The following DHDDS variants were observed in gnomAD, a reference collection of about 807,000 sequenced individuals.
The protein encoded by DHDDS is dehydrodolichyl diphosphate synthase complex subunit DHDDS.
In DHDDS, 16 loss-of-function variants were observed where a neutral mutation model predicts 46.2. The observed-to-expected ratio is 0.35, with a 90% confidence interval of 0.23 to 0.53. The LOEUF is 0.53. DHDDS is among the 20% of genes least tolerant of loss of function. The pLI, the probability that DHDDS is intolerant of heterozygous loss-of-function variation, is 0.94. For missense variants in DHDDS, 340 were observed against 423.7 expected (o/e 0.80, Z 1.73); for synonymous variants, 151 against 163.1 (o/e 0.93, Z 0.56).
chr1:26,455,144 C>G, intron 6 of DHDDS: 1 of 775,182 alleles, frequency 1.3e-6, no homozygotes. Context: ...TCTTGATTTG[C>G]ATGATATCAT....
chr1:26,454,475 T>A (rs191794129), intron 6 of DHDDS, among the ~76,000 whole-genome samples: 60 of 152,226 alleles, frequency 3.9e-4, no homozygotes, highest in African/African-American at 1.1e-3. Flanking sequence ...AAAATAATTT[T>A]TTATTATTAT....
At position 26,438,288 on chromosome 1, in the gene DHDDS, G is replaced by A. The variant is rs780641512; in HGVS notation, c.180+4G>A. On this transcript the variant is annotated splice_donor_region_variant and intron_variant, in intron 3 of 8. Transcript: ENST00000236342. ...GGGCTTCAACAAGCTAGCTGAGGTG[G>A]GTGTGTATGGCAGAGCCCAAAGTGA... 2 of 1,613,274 alleles carry A rather than the reference G, an allele frequency of 1.2e-6. No individual in the cohort carries two copies. The highest frequency in any genetic ancestry group is 1.1e-5 in the South Asian group (1 of 91,002).
rs778664841 is a variant in DHDDS at position 26,469,182 on chromosome 1, A to C, written c.*51A>C. On this transcript the variant is annotated 3_prime_UTR_variant, in exon 9 of 9. Transcript: ENST00000236342. ...CCCTGCCCTCTGCCTCCAGGGCTCCACTCCCCTTCCTTTTCTTGGTGAAAG... is the reference window on the plus strand; with the variant it reads ...CCCTGCCCTCTGCCTCCAGGGCTCCCCTCCCCTTCCTTTTCTTGGTGAAAG... The C allele has an allele frequency of 5.0e-6, 8 of 1,608,600 alleles. No homozygotes were observed. The Admixed American group carries it at 1.2e-4, about 23-fold the overall frequency.
chr1:26,436,705 G>A (rs1263082926), intron 2 of DHDDS, among the ~76,000 whole-genome samples: 14 of 151,908 alleles, frequency 9.2e-5, no homozygotes, highest in Non-Finnish European at 1.5e-5. Context: ...TTACAGGTAT[G>A]AGCCACTGTG....
chr1:26,434,577 G>A (rs909290068), intron 2 of DHDDS, among the ~76,000 whole-genome samples: 1 of 152,140 alleles, frequency 6.6e-6, no homozygotes, highest in Non-Finnish European at 1.5e-5. Context: ...CCCAGGTGAG[G>A]AAAAATAGGC....
At chr1:26,455,171 A>C in intron 6 of DHDDS, 1 of 762,832 alleles carries the variant, frequency 1.3e-6, no homozygotes, top group Non-Finnish European at 2.4e-6. Context: ...CTCCGGGTTA[A>C]GTGAATAGTG....
chr1:26,461,335 T>C (rs2075419603), intron 8 of DHDDS, among the ~76,000 whole-genome samples: 1 of 151,816 alleles, frequency 6.6e-6, no homozygotes, highest in Non-Finnish European at 1.5e-5. Context: ...CACTCAAATG[T>C]GGAATTTTGC....
In DHDDS at chr1:26,436,880, G is replaced by A. The variant is rs948771992; in HGVS notation, c.64-1288G>A. On this transcript the variant is annotated intron_variant, in intron 2 of 8. Coordinates refer to ENST00000236342, the MANE Select transcript of DHDDS (RefSeq NM_205861.3). ...AATCCCTATTTGCCTCTTCTTAACC[G>A]CGTGACTGGGCCGGGCGTGCTGGCT... is the stretch of plus-strand genomic sequence containing the variant. Among the ~76,000 whole-genome samples, 4 of 152,128 alleles carry A rather than the reference G, an allele frequency of 2.6e-5. No homozygotes were observed. The South Asian group carries it at 6.2e-4, about 24-fold the overall frequency.
intron 7 of DHDDS, among the ~76,000 whole-genome samples, chr1:26,458,343 G>A (rs1205095257): frequency 6.6e-6 from 1 of 152,220 alleles, no homozygotes; most frequent in Non-Finnish European, 1.5e-5. Flanking sequence ...CTTGGTCCCT[G>A]GAGAGCACAT....
chr1:26,468,831 C>CCA, intron 8 of DHDDS, 64 bp from the exon 9 acceptor site: 1 of 1,598,320 alleles, frequency 6.3e-7, no homozygotes, highest in East Asian at 2.3e-5. Context: ...CTACCTCCTC[C>CCA]ATCCCAGTTT....
chr1:26,449,939 T>G (rs1570347324), intron 6 of DHDDS, among the ~76,000 whole-genome samples: 1 of 152,074 alleles, frequency 6.6e-6, no homozygotes. Flanking sequence ...TTGAAAAGGG[T>G]CAGCAGTTTG....
At chr1:26,457,950 C>A (rs1364738733) in intron 7 of DHDDS, 45 bp downstream of exon 7, 1 of 1,514,004 alleles carries the variant, frequency 6.6e-7, no homozygotes, top group Non-Finnish European at 9.2e-7. Flanking sequence ...ATGGGGAAAC[C>A]AACTGTATCC....
At chr1:26,452,040 C>A (rs866511861) in intron 6 of DHDDS, among the ~76,000 whole-genome samples, 3 of 151,978 alleles carry the variant, frequency 2.0e-5, no homozygotes, top group African/African-American at 7.3e-5. Context: ...AGCCATAGCA[C>A]CTGGCCTGTT....
intron 6 of DHDDS, among the ~76,000 whole-genome samples, chr1:26,455,511 C>T (rs1307245281): frequency 6.6e-6 from 1 of 152,050 alleles, no homozygotes; most frequent in Non-Finnish European, 1.5e-5. Context: ...CTTTGGGAGG[C>T]CGAGGCAGGC....
rs2075529948 is a variant in DHDDS, at chr1:26,469,422, T to TA, written c.*292dup. The TA allele has an allele frequency of 1.9e-6, 1 of 521,762 alleles. No individual in the cohort carries two copies. Among genetic ancestry groups the TA allele is most frequent in the Admixed American group, 3.2e-5 (1 of 31,366 alleles). 32.3% of individuals were successfully genotyped at this position (521,762 alleles called of 1,614,324 possible). A position where few individuals can be genotyped will look rare whatever the true frequency, so the allele number is the denominator to read the frequency against. On this transcript the variant is annotated 3_prime_UTR_variant, in exon 9 of 9. Transcript: ENST00000236342. ...CACAACTCATCAGCTGCCTGTCTCT[T>TA]AGATGCACTTTCTTTTTCCACCAGC...
At chr1:26,438,579 G>A (rs547218204) in intron 3 of DHDDS, 47 of 368,582 alleles carry the variant, frequency 1.3e-4, no homozygotes, top group African/African-American at 3.2e-4. Context: ...TTAAAAATTA[G>A]CCAGACTTGA....
intron 2 of DHDDS, chr1:26,433,260 T>C: frequency 1.8e-6 from 1 of 551,134 alleles, no homozygotes; most frequent in Non-Finnish European, 3.2e-6. Flanking sequence ...AAGTATTCTT[T>C]ATAGAGAACT....
chr1:26,457,990 C>G (rs1478379120), intron 7 of DHDDS, 85 bp downstream of exon 7: 16 of 1,184,850 alleles, frequency 1.4e-5, no homozygotes, highest in Non-Finnish European at 1.5e-5. Flanking sequence ...TCCATCCCCA[C>G]TCCCAAACAG....
Position 26,442,779 on chromosome 1 carries a change from G to A in DHDDS, c.229G>A (p.Ala77Thr), listed in dbSNP as rs1187750662. ...NLGILEVTVYAFSIENFKRSK... is the reference protein window; with the variant it reads ...NLGILEVTVYTFSIENFKRSK... The stretch of plus-strand genomic sequence containing the variant: ...GGGCATCCTAGAGGTGACAGTCTAC[G>A]CATTCAGCATTGAGAACTTCAAACG... Residue 77 changes from alanine to threonine, a missense_variant, in exon 4 of 9, where the codon GCA becomes ACA. Ala to Thr is a moderately conservative substitution (Grantham distance 58). Coordinates refer to ENST00000236342, the MANE Select transcript of DHDDS (RefSeq NM_205861.3). 6 of 1,614,102 alleles carry A rather than the reference G, an allele frequency of 3.7e-6. No individual in the cohort carries two copies. Among genetic ancestry groups the A allele is most frequent in the Non-Finnish European group, 5.1e-6 (6 of 1,180,022 alleles).
Sources: gnomAD v4.1 joint callset for allele counts (sites outside exome capture counted in the v4.1 genomes callset) on GRCh38, gnomAD v4.1.1 for gene constraint, MANE v1.5 for transcripts, NCBI Gene and HGNC (gene_info 2026-07-23, HGNC 2026-07-21) for gene names.